The following NCAM2 variants were observed in gnomAD, a reference collection of about 807,000 sequenced individuals.
The protein encoded by NCAM2 is N-CAM-2.
A neutral mutation model predicts 98.1 loss-of-function variants in NCAM2; 30 were observed. The ratio of observed to expected loss-of-function variants is 0.31; its 90% CI spans 0.23 to 0.41. NCAM2 has a LOEUF of 0.41. Ranked by LOEUF, NCAM2 falls within the 10% of genes least tolerant of loss-of-function variation. The probability of loss-of-function intolerance (pLI) is 1.00; values close to 1 mark genes in which losing one functional copy is unlikely to be tolerated. For missense variants in NCAM2, 867 were observed against 1,005.8 expected, an observed-to-expected ratio of 0.86 and a Z score of 1.87; for synonymous variants, 368 against 342.4, an observed-to-expected ratio of 1.07 and a Z score of -0.83.
chr21:21,105,395 G>A (rs1277326758), intron 1 of NCAM2, among the ~76,000 whole-genome samples: 2 of 152,090 alleles, frequency 1.3e-5, no homozygotes, highest in Non-Finnish European at 2.9e-5. Context: ...CAAGCTAAAA[G>A]GAGTTGTCCA....
intron 12 of NCAM2, among the ~76,000 whole-genome samples, chr21:21,454,322 T>C (rs2146153315): frequency 6.6e-6 from 1 of 152,218 alleles, no homozygotes; most frequent in East Asian, 1.9e-4. Flanking sequence ...AAGTTTGTTT[T>C]ATTCTGCCAA....
chr21:21,434,841 A>G (rs2146044060), intron 12 of NCAM2, among the ~76,000 whole-genome samples: 1 of 152,246 alleles, frequency 6.6e-6, no homozygotes, highest in Non-Finnish European at 1.5e-5. Context: ...CTTAATGGTG[A>G]AATGAACTGC....
chr21:21,441,563 A>C (rs917160793), intron 12 of NCAM2, among the ~76,000 whole-genome samples: 1 of 152,194 alleles, frequency 6.6e-6, no homozygotes, highest in African/African-American at 2.4e-5. Context: ...GATTCAGATG[A>C]TTTTTATGCC....
chr21:21,392,612 GTTGTTTTTGACTTTTTAAT>G (rs2145833753), intron 9 of NCAM2, among the ~76,000 whole-genome samples: 1 of 152,202 alleles, frequency 6.6e-6, no homozygotes, highest in South Asian at 2.1e-4. Context: ...GCCAGGGTCT[GTTGTTTTTGACTTTTTAAT>G]AATAGTCATT....
At chr21:21,091,978 T>A (rs2066022304) in intron 1 of NCAM2, among the ~76,000 whole-genome samples, 1 of 152,076 alleles carries the variant, frequency 6.6e-6, no homozygotes, top group African/African-American at 2.4e-5. Context: ...TTTTTAGTAC[T>A]TAAAAGAGGG....
intron 1 of NCAM2, among the ~76,000 whole-genome samples, chr21:21,013,503 C>T (rs763411158): frequency 2.0e-5 from 3 of 152,042 alleles, no homozygotes; most frequent in African/African-American, 7.2e-5. Flanking sequence ...TCACGAGGGC[C>T]GGACGTGGTG....
chr21:21,036,579 C>T (rs888501870), intron 1 of NCAM2, among the ~76,000 whole-genome samples: 11 of 152,026 alleles, frequency 7.2e-5, no homozygotes, highest in African/African-American at 2.7e-4. Context: ...CAAAGAAGGA[C>T]CAGATGGTTG....
intron 16 of NCAM2, among the ~76,000 whole-genome samples, chr21:21,513,468 TA>T (rs1409661485): frequency 1.3e-5 from 2 of 152,116 alleles, no homozygotes; most frequent in South Asian, 2.1e-4. Flanking sequence ...TTCAGGAGCA[TA>T]TTTTTTTTAA....
At chr21:21,095,561 G>GA (rs2066104555) in intron 1 of NCAM2, among the ~76,000 whole-genome samples, 1 of 151,280 alleles carries the variant, frequency 6.6e-6, no homozygotes, top group Admixed American at 6.6e-5. Context: ...AAGTATGGAG[G>GA]AAAAATAAGT....
At chr21:21,366,175 G>A (rs576966877) in intron 8 of NCAM2, among the ~76,000 whole-genome samples, 3 of 151,868 alleles carry the variant, frequency 2.0e-5, no homozygotes, top group African/African-American at 4.8e-5. Flanking sequence ...GGAGATTTAC[G>A]TAAAAACATA....
At chr21:21,226,438 TAAG>T (rs2070386658) in intron 1 of NCAM2, among the ~76,000 whole-genome samples, 1 of 152,096 alleles carries the variant, frequency 6.6e-6, no homozygotes, top group South Asian at 2.1e-4. Flanking sequence ...TAAACACAAC[TAAG>T]AATAACACTT....
At chr21:21,304,833 C>T (rs1014442920) in intron 5 of NCAM2, among the ~76,000 whole-genome samples, 1 of 152,066 alleles carries the variant, frequency 6.6e-6, no homozygotes, top group Non-Finnish European at 1.5e-5. Flanking sequence ...TTTATACAGT[C>T]CTAACTCATC....
intron 1 of NCAM2, chr21:21,210,589 G>A (rs190237105): frequency 4.7e-6 from 6 of 1,288,968 alleles, no homozygotes; most frequent in Non-Finnish European, 5.1e-6. Context: ...AGGAGGACAA[G>A]TTTACCTTGA....
At chr21:21,253,977 T>C (rs2071567084) in intron 1 of NCAM2, among the ~76,000 whole-genome samples, 1 of 152,128 alleles carries the variant, frequency 6.6e-6, no homozygotes, top group Admixed American at 6.5e-5. Flanking sequence ...GATTATAAAA[T>C]TTAAGACCTA....
intron 16 of NCAM2, among the ~76,000 whole-genome samples, chr21:21,513,203 T>A (rs573119191): frequency 1.3e-5 from 2 of 152,258 alleles, no homozygotes; most frequent in African/African-American, 4.8e-5. Flanking sequence ...TTCAGTATGA[T>A]ACTAGCTTTA....
chr21:21,250,291 A>G (rs1343477700), intron 1 of NCAM2, among the ~76,000 whole-genome samples: 1 of 152,156 alleles, frequency 6.6e-6, no homozygotes, highest in African/African-American at 2.4e-5. Context: ...GTCCTTCTCA[A>G]CTCATGCTCT....
intron 9 of NCAM2, among the ~76,000 whole-genome samples, chr21:21,393,439 G>T (rs2076425452): frequency 2.0e-5 from 3 of 152,006 alleles, no homozygotes; most frequent in African/African-American, 7.2e-5. Context: ...TAAAACGGTT[G>T]TCCTGTACAA....
intron 12 of NCAM2, among the ~76,000 whole-genome samples, chr21:21,448,355 A>C (rs1346594728): frequency 6.6e-6 from 1 of 152,024 alleles, no homozygotes; most frequent in Non-Finnish European, 1.5e-5. Flanking sequence ...GAATACATGG[A>C]CACAGGGAGG....
chr21:21,427,040 T>C (rs2077228573), intron 11 of NCAM2, among the ~76,000 whole-genome samples: 1 of 152,182 alleles, frequency 6.6e-6, no homozygotes, highest in African/African-American at 2.4e-5. Flanking sequence ...TGGATCTAAG[T>C]TTAGCAACAC....
Sources: allele counts gnomAD v4.1 joint callset (sites outside exome capture counted in the v4.1 genomes callset), GRCh38; gene constraint gnomAD v4.1.1; transcripts MANE v1.5; gene names NCBI Gene and HGNC (gene_info 2026-07-23, HGNC 2026-07-21).